SDK1: variants seen among roughly 807,000 people sequenced by gnomAD.
SDK1 encodes the protein sidekick cell adhesion molecule 1, also known as protein sidekick-1.
Under a neutral mutation model 245.5 loss-of-function variants are expected in SDK1, and 157 were observed. The ratio of observed to expected loss-of-function variants is 0.64; its 90% CI spans 0.56 to 0.73. SDK1 has a LOEUF of 0.73. Ranked by LOEUF, SDK1 falls within the 30% of genes least tolerant of loss-of-function variation. SDK1 has a pLI of 0.00. For synonymous variants in SDK1, 1,647 were observed against 1,278.5 expected, an observed-to-expected ratio of 1.29 and a Z score of -6.15; for missense variants, 3,583 against 3,002.3, an observed-to-expected ratio of 1.19 and a Z score of -4.52.
intron 2 of SDK1, among the ~76,000 whole-genome samples, chr7:3,632,575 G>C (rs1165252639): frequency 6.6e-6 from 1 of 152,072 alleles, no homozygotes; most frequent in East Asian, 1.9e-4. Flanking sequence ...ACAGGGACCT[G>C]TTTATTGCCC....
chr7:3,508,323 C>T (rs887971960), intron 1 of SDK1, among the ~76,000 whole-genome samples: 7 of 128,926 alleles, frequency 5.4e-5, no homozygotes, highest in Non-Finnish European at 1.1e-4. Flanking sequence ...TCTTCTTCTT[C>T]TTCTTTTTTT....
intron 4 of SDK1, among the ~76,000 whole-genome samples, chr7:3,767,788 A>G (rs565493252): frequency 6.6e-6 from 1 of 152,300 alleles, no homozygotes; most frequent in African/African-American, 2.4e-5. Context: ...AAAACAAACA[A>G]ACAAAAAACA....
At position 3,740,557 on chromosome 7, in the gene SDK1, A is replaced by C. The variant is rs529441893; in HGVS notation, c.714-80893A>C. Reference sequence around the variant, plus strand: ...GAGCTTTTGAAGGCAGCTTCTTGACAGATAAAATAGTAAGAATTATCTGTA... The same window carrying C: ...GAGCTTTTGAAGGCAGCTTCTTGACCGATAAAATAGTAAGAATTATCTGTA... On this transcript the variant is annotated intron_variant, in intron 4 of 44. Coordinates refer to ENST00000404826, the MANE Select transcript of SDK1 (RefSeq NM_152744.4). Among the ~76,000 whole-genome samples, 10 of 152,344 alleles carry C rather than the reference A, an allele frequency of 6.6e-5. No individual in the cohort carries two copies. In the South Asian group the frequency reaches 1.9e-3, roughly 28 times the overall value.
At chr7:4,102,073 A>C (rs902519024) in intron 22 of SDK1, among the ~76,000 whole-genome samples, 1 of 152,208 alleles carries the variant, frequency 6.6e-6, no homozygotes, top group African/African-American at 2.4e-5. Flanking sequence ...AGGGCTGGGA[A>C]TCTAGAGCTG....
intron 5 of SDK1, among the ~76,000 whole-genome samples, chr7:3,923,175 C>G (rs989805946): frequency 6.6e-6 from 1 of 152,138 alleles, no homozygotes; most frequent in Non-Finnish European, 1.5e-5. Flanking sequence ...TTCAGATTCT[C>G]TGGTTGATCT....
In SDK1 at chr7:3,952,693, T is replaced by TA. The variant is rs912706273; in HGVS notation, c.1150+784dup. Among the ~76,000 whole-genome samples the TA allele has an allele frequency of 2.2e-3, 326 of 145,602 alleles. 3 individuals carry two copies. Among genetic ancestry groups the TA allele is most frequent in the African/African-American group, 6.6e-3 (263 of 39,862 alleles). The stretch of plus-strand genomic sequence containing the variant: ...ATCGGATGTTACCTTTTGTTAAACT[T>TA]AAAAAAAAAAAGAGAACAGAGATGC... On this transcript the variant is annotated intron_variant, in intron 7 of 44. Transcript: ENST00000404826.
At chr7:4,030,623 TATGAAGCTTC>T (rs914723630) in intron 17 of SDK1, among the ~76,000 whole-genome samples, 1 of 152,210 alleles carries the variant, frequency 6.6e-6, no homozygotes, top group Non-Finnish European at 1.5e-5. Flanking sequence ...GCCTTGGTGC[TATGAAGCTTC>T]ACACAAGAAG....
Position 4,250,002 on chromosome 7 carries a change from C to G in SDK1, c.6381+4197C>G, listed in dbSNP as rs144677288. 2.6e-5 allele frequency among the ~76,000 whole-genome samples: 4 copies of G among 152,310 alleles called. No homozygotes were observed. The East Asian group carries it at 5.8e-4, about 22-fold the overall frequency. On this transcript the variant is annotated intron_variant, in intron 44 of 44. Transcript: ENST00000404826. ...CATTTCCATCAGCCCCCAAAACACC[C>G]TGTACCGATTAGCAGTCACTCCTCA...
intron 6 of SDK1, 67 bp downstream of exon 6, chr7:3,951,101 A>G (rs897470084): frequency 1.7e-6 from 2 of 1,179,494 alleles, no homozygotes; most frequent in African/African-American, 1.5e-5. Context: ...CCGACGATAG[A>G]AGGATACACT....
chr7:4,150,873 A>G (rs642482), intron 30 of SDK1, among the ~76,000 whole-genome samples: 117,611 of 152,240 alleles, frequency 0.77, 45,920 homozygotes, highest in African/African-American at 0.9. Flanking sequence ...GCACTTGCCC[A>G]GGGAGGGGTG....
intron 2 of SDK1, among the ~76,000 whole-genome samples, chr7:3,620,475 G>A (rs545225446): frequency 5.3e-5 from 8 of 152,054 alleles, no homozygotes; most frequent in Non-Finnish European, 1.0e-4. Context: ...GCTAATTTTT[G>A]TATTTTTAGT....
intron 1 of SDK1, among the ~76,000 whole-genome samples, chr7:3,475,752 G>A (rs1781330908): frequency 6.6e-6 from 1 of 152,052 alleles, no homozygotes; most frequent in African/African-American, 2.4e-5. Flanking sequence ...AAAGAATGAA[G>A]TATATTATAT....
intron 1 of SDK1, chr7:3,338,409 A>G (rs543228931): frequency 3.2e-4 from 168 of 527,878 alleles, no homozygotes; most frequent in Admixed American, 7.2e-4. Flanking sequence ...TGAGCACATT[A>G]AGCACTCTTA....
intron 1 of SDK1, among the ~76,000 whole-genome samples, chr7:3,594,899 C>G (rs556801077): frequency 6.6e-6 from 1 of 152,230 alleles, no homozygotes; most frequent in East Asian, 1.9e-4. Flanking sequence ...AATGTTATTT[C>G]TAGGTAAAGC....
intron 1 of SDK1, among the ~76,000 whole-genome samples, chr7:3,346,520 T>A (rs1283720698): frequency 1.3e-5 from 2 of 151,854 alleles, no homozygotes; most frequent in Non-Finnish European, 2.9e-5. Context: ...TATTTATTTT[T>A]AATTTTTTTA....
rs182072591 is a variant in SDK1 at position 3,430,856 on chromosome 7, T to C, written c.298+128972T>C. Among the ~76,000 whole-genome samples the C allele has an allele frequency of 2.7e-3, 413 of 152,320 alleles. 3 individuals are homozygous for C. Among genetic ancestry groups the C allele is most frequent in the Admixed American group, 3.6e-3 (55 of 15,308 alleles). On this transcript the variant is annotated intron_variant, in intron 1 of 44. Transcript: ENST00000404826. ...CTGCCTGCAGAGCTGTGTCACTCAC[T>C]TGTATTCAGCTTTCCTGCCTCTGGC...
At chr7:4,070,267 T>C (rs756686707) in intron 20 of SDK1, among the ~76,000 whole-genome samples, 1 of 152,222 alleles carries the variant, frequency 6.6e-6, no homozygotes, top group African/African-American at 2.4e-5. Context: ...TGGGACCAGA[T>C]GGTCCCTCGT....
chr7:4,069,650 G>T, intron 20 of SDK1, among the ~76,000 whole-genome samples: 1 of 152,212 alleles, frequency 6.6e-6, no homozygotes, highest in East Asian at 1.9e-4. Flanking sequence ...GGACTGTGCT[G>T]CCCAGAGACC....
At chr7:3,516,341 G>A (rs1453632516) in intron 1 of SDK1, among the ~76,000 whole-genome samples, 1 of 151,872 alleles carries the variant, frequency 6.6e-6, no homozygotes, top group East Asian at 1.9e-4. Context: ...CCCCAGGAAT[G>A]GCAGCTACCT....
Sources: gnomAD v4.1 joint callset for allele counts (sites outside exome capture counted in the v4.1 genomes callset) on GRCh38, gnomAD v4.1.1 for gene constraint, MANE v1.5 for transcripts, NCBI Gene and HGNC (gene_info 2026-07-23, HGNC 2026-07-21) for gene names.